CTIF: variants seen among roughly 807,000 people sequenced by gnomAD.
CTIF encodes the protein cap binding complex dependent translation initiation factor.
In CTIF, 21 loss-of-function variants were observed where a neutral mutation model predicts 66.0. The observed-to-expected ratio is 0.32, with a 90% CI of 0.23 to 0.46. The LOEUF (loss-of-function observed/expected upper bound fraction) is 0.46. Ranked by LOEUF, CTIF falls within the 20% of genes least tolerant of loss-of-function variation. CTIF has a pLI of 1.00. For synonymous variants in CTIF, 345 were observed against 326.4 expected (o/e 1.06, Z -0.62); for missense variants, 739 against 812.7 (o/e 0.91, Z 1.10).
At chr18:48,647,392 G>T (rs1267009596) in intron 3 of CTIF, among the ~76,000 whole-genome samples, 2 of 152,156 alleles carry the variant, frequency 1.3e-5, no homozygotes, top group African/African-American at 4.8e-5. Context: ...GTTGATACCC[G>T]GAGATGCTGA....
At chr18:48,565,261 G>C (rs2089254337) in intron 1 of CTIF, 1 of 152,118 alleles carries the variant, frequency 6.6e-6, no homozygotes, top group Admixed American at 6.5e-5. Flanking sequence ...ACGCGTTCTT[G>C]GCGGAGAGGA....
intron 10 of CTIF, among the ~76,000 whole-genome samples, chr18:48,829,544 C>G (rs1452016786): frequency 1.3e-5 from 2 of 152,230 alleles, no homozygotes; most frequent in Non-Finnish European, 2.9e-5. Flanking sequence ...TGCAGAGCCC[C>G]CCGACCTCCG....
chr18:48,573,206 C>T (rs181411667), intron 1 of CTIF, among the ~76,000 whole-genome samples: 98 of 152,264 alleles, frequency 6.4e-4, no homozygotes, highest in Middle Eastern at 6.8e-3. Context: ...AGTCACAAAA[C>T]GGCAGCCTCC....
chr18:48,808,297 C>G (rs566010343), intron 9 of CTIF, among the ~76,000 whole-genome samples: 1 of 152,286 alleles, frequency 6.6e-6, no homozygotes, highest in Non-Finnish European at 1.5e-5. Context: ...GCCCTTTCCC[C>G]ATTTGTTCAT....
intron 9 of CTIF, among the ~76,000 whole-genome samples, chr18:48,786,216 AG>A: frequency 6.6e-6 from 1 of 151,924 alleles, no homozygotes; most frequent in Admixed American, 6.5e-5. Flanking sequence ...GGCGTTTGGG[AG>A]GGGGTGCAAG....
At chr18:48,809,348 T>C (rs1231633010) in intron 9 of CTIF, among the ~76,000 whole-genome samples, 1 of 152,198 alleles carries the variant, frequency 6.6e-6, no homozygotes, top group Non-Finnish European at 1.5e-5. Context: ...GGGTCATAGG[T>C]GTTGCTGCCG....
At chr18:48,737,694 A>G (rs1465259181) in intron 7 of CTIF, among the ~76,000 whole-genome samples, 1 of 152,216 alleles carries the variant, frequency 6.6e-6, no homozygotes, top group Non-Finnish European at 1.5e-5. Flanking sequence ...AGAAATATAT[A>G]TTCCTGCTTA....
chr18:48,795,151 G>A (rs1380269505), intron 9 of CTIF, among the ~76,000 whole-genome samples: 1 of 152,132 alleles, frequency 6.6e-6, no homozygotes, highest in East Asian at 1.9e-4. Flanking sequence ...ATCCTTGGCT[G>A]GCAAGCTTAC....
intron 9 of CTIF, 101 bp from the exon 10 acceptor site, chr18:48,817,120 C>A: frequency 8.2e-7 from 1 of 1,218,162 alleles, no homozygotes; most frequent in Non-Finnish European, 1.1e-6. Context: ...TGCCTGCTGC[C>A]CAGGAGCAGC....
Position 48,541,186 on chromosome 18 carries a change from G to C in CTIF, c.-29+1874G>C, listed in dbSNP as rs531437422. On this transcript the variant is annotated intron_variant, in intron 1 of 11. Transcript: ENST00000256413. ...TGCCAACCGCAGCCCCGGCTCTTCA[G>C]TCTGGGGACAGTGGGAGCCCAAGCC... Among the ~76,000 whole-genome samples, 5 of 152,228 alleles carry C rather than the reference G, an allele frequency of 3.3e-5. No individual in the cohort carries two copies. In the South Asian group the frequency reaches 1.0e-3, roughly 32 times the overall value.
intron 10 of CTIF, among the ~76,000 whole-genome samples, chr18:48,844,121 C>T (rs2069014344): frequency 1.3e-5 from 2 of 152,368 alleles, no homozygotes. Flanking sequence ...CTGCCTTAGG[C>T]ATTTCCTGTT....
chr18:48,623,344 C>G (rs2090531795), intron 2 of CTIF, among the ~76,000 whole-genome samples: 1 of 152,224 alleles, frequency 6.6e-6, no homozygotes, highest in Non-Finnish European at 1.5e-5. Flanking sequence ...ATGTTTCAAT[C>G]CTGCCCCTAC....
chr18:48,827,715 A>T (rs1599119441), intron 10 of CTIF, among the ~76,000 whole-genome samples: 1 of 152,028 alleles, frequency 6.6e-6, no homozygotes, highest in African/African-American at 2.4e-5. Flanking sequence ...CTGGCTTAGC[A>T]TCGGAGTCCC....
Position 48,673,011 on chromosome 18 carries a change from T to G in CTIF, c.507+2267T>G, listed in dbSNP as rs535975012. On this transcript the variant is annotated intron_variant, in intron 6 of 11. Coordinates refer to ENST00000256413, the MANE Select transcript of CTIF (RefSeq NM_014772.3). ...AAATCTCACTCAGCCCTTCTCTGCC[T>G]GTCCTTTTTCTGGCTCAGGATACCT... is the stretch of plus-strand genomic sequence containing the variant. Among the ~76,000 whole-genome samples the G allele has an allele frequency of 7.2e-5, 11 of 152,292 alleles. No homozygotes were observed. The East Asian group carries it at 2.1e-3, about 29-fold the overall frequency.
At chr18:48,769,715 C>T (rs58047587) in intron 9 of CTIF, among the ~76,000 whole-genome samples, 15,179 of 152,312 alleles carry the variant, frequency 0.1, 1,404 homozygotes, top group African/African-American at 0.24. Context: ...GGATAGGAGC[C>T]GTGTGCCTCG....
intron 9 of CTIF, among the ~76,000 whole-genome samples, chr18:48,780,594 G>C (rs1911112755): frequency 6.6e-6 from 1 of 152,168 alleles, no homozygotes; most frequent in South Asian, 2.1e-4. Context: ...AGCTTGGCGG[G>C]GCACTGTGGA....
chr18:48,556,080 G>A (rs911486583), intron 1 of CTIF, among the ~76,000 whole-genome samples: 2 of 152,220 alleles, frequency 1.3e-5, no homozygotes, highest in Non-Finnish European at 2.9e-5. Context: ...CATTGAGCCT[G>A]CAGTTTTAAC....
intron 7 of CTIF, among the ~76,000 whole-genome samples, chr18:48,749,531 A>G (rs1229564628): frequency 2.0e-5 from 3 of 152,202 alleles, no homozygotes; most frequent in African/African-American, 7.2e-5. Context: ...ATGGGTGCAC[A>G]GTGTGATCCC....
At chr18:48,634,788 G>T (rs1003569719) in intron 2 of CTIF, among the ~76,000 whole-genome samples, 1 of 152,180 alleles carries the variant, frequency 6.6e-6, no homozygotes, top group Non-Finnish European at 1.5e-5. Context: ...ACTTCTCTAG[G>T]GCTCCACTGA....
Sources: allele counts gnomAD v4.1 joint callset (sites outside exome capture counted in the v4.1 genomes callset), GRCh38; gene constraint gnomAD v4.1.1; transcripts MANE v1.5; gene names NCBI Gene and HGNC (gene_info 2026-07-23, HGNC 2026-07-21).